Variants in PLA2G6 observed in about 807,000 individuals in gnomAD.
PLA2G6 encodes the protein phospholipase A2 group VI, also known as 85/88 kDa calcium-independent phospholipase A2.
A neutral mutation model predicts 83.8 loss-of-function variants in PLA2G6; 62 were observed. That is an observed-to-expected ratio of 0.74 (90% CI 0.60 to 0.91). The LOEUF (loss-of-function observed/expected upper bound fraction) is 0.91. Ranked by LOEUF, PLA2G6 falls within the 40% of genes least tolerant of loss-of-function variation. The probability of loss-of-function intolerance (pLI) is 0.00; values close to 1 mark genes in which losing one functional copy is unlikely to be tolerated. For synonymous variants in PLA2G6, 417 were observed against 449.8 expected (o/e 0.93, Z 0.92); for missense variants, 944 against 1,102.0 (o/e 0.86, Z 2.03).
intron 1 of PLA2G6, among the ~76,000 whole-genome samples, chr22:38,170,414 G>A (rs2090393593): frequency 6.6e-6 from 1 of 151,924 alleles, no homozygotes; most frequent in East Asian, 1.9e-4. Context: ...CCTTGGAAAT[G>A]AACGAACTGC....
At chr22:38,169,496 C>A in intron 1 of PLA2G6, 25 bp from the exon 2 acceptor site, 1 of 1,313,314 alleles carries the variant, frequency 7.6e-7, no homozygotes, top group Non-Finnish European at 1.1e-6. Flanking sequence ...GGTCTCTGGT[C>A]AGCCAGGCAC....
intron 12 of PLA2G6, among the ~76,000 whole-genome samples, chr22:38,118,174 T>C (rs536441648): frequency 6.6e-6 from 1 of 151,944 alleles, no homozygotes; most frequent in East Asian, 1.9e-4. Context: ...GAACTGAGAG[T>C]CAGGCAGGCC....
chr22:38,145,674 A>G (rs201554440), intron 2 of PLA2G6, 21 bp from the exon 3 acceptor site: 4 of 1,559,760 alleles, frequency 2.6e-6, no homozygotes. Flanking sequence ...AGGACAGAGG[A>G]GCAAGACCCG....
intron 8 of PLA2G6, among the ~76,000 whole-genome samples, 158 bp downstream of exon 8, chr22:38,129,296 G>C (rs970682168): frequency 9.9e-5 from 15 of 152,206 alleles, no homozygotes; most frequent in Non-Finnish European, 4.4e-5. Context: ...GCTTGGGTAA[G>C]GAAGCCCCCT....
Position 38,135,090 on chromosome 22 carries a change from G to A in PLA2G6, c.798-6C>T. On this transcript the variant is annotated splice_region_variant and splice_polypyrimidine_tract_variant and intron_variant, in intron 5 of 16. Coordinates refer to ENST00000332509, the MANE Select transcript of PLA2G6 (RefSeq NM_003560.4). ...TGATGATCATCTCCGCACACCTGGTGAGAGAGGGGCCCCGGTTGGTGAGCA... is the reference window on the plus strand; with the variant it reads ...TGATGATCATCTCCGCACACCTGGTAAGAGAGGGGCCCCGGTTGGTGAGCA... 3 of 1,611,420 alleles carry A rather than the reference G, an allele frequency of 1.9e-6. No homozygotes were observed. The highest frequency in any genetic ancestry group is 2.2e-5 in the East Asian group (1 of 44,868).
chr22:38,142,680 T>G (rs1021985654), intron 4 of PLA2G6: 1 of 279,396 alleles, frequency 3.6e-6, no homozygotes, highest in African/African-American at 2.2e-5. Context: ...TGGGCCACAT[T>G]CAAAGCCGTC....
chr22:38,178,552 GAC>G (rs1330150633), intron 1 of PLA2G6, among the ~76,000 whole-genome samples: 2 of 152,038 alleles, frequency 1.3e-5, no homozygotes, highest in East Asian at 3.9e-4. Flanking sequence ...CAGCCTGAGC[GAC>G]AGTGAGACCC....
chr22:38,113,524 A>G lies in PLA2G6; in HGVS notation c.2165T>C (p.Phe722Ser), dbSNP rs1602056683. 1.9e-6 allele frequency: 3 copies of G among 1,614,106 alleles called. No homozygotes were observed. The highest frequency in any genetic ancestry group is 1.7e-6 in the Non-Finnish European group (2 of 1,180,024). ...SNPWELAKTV[F>S]GAKELGKMVV... is the part of the protein sequence containing the mutation. ...CATCTTGCCCAGTTCCTTGGCCCCA[A>G]AAACAGTCTTGGCCAGCTCCCAGGG... is the stretch of plus-strand genomic sequence containing the variant. Residue 722 changes from phenylalanine to serine, a missense_variant, in exon 15 of 17, where the codon TTT (phenylalanine) becomes TCT (serine). Physicochemically the swap from Phe to Ser is radical, Grantham distance 155. Transcript: ENST00000332509.
chr22:38,135,553 G>T, intron 5 of PLA2G6: 1 of 164,560 alleles, frequency 6.1e-6, no homozygotes, highest in South Asian at 1.6e-4. Context: ...CAGTATGACA[G>T]AGTGGGAAAG....
chr22:38,114,721 G>A (rs2087085093), intron 14 of PLA2G6, among the ~76,000 whole-genome samples: 1 of 152,172 alleles, frequency 6.6e-6, no homozygotes, highest in Non-Finnish European at 1.5e-5. Context: ...TGCCCAGGAC[G>A]CCCTGGGGCT....
At chr22:38,165,518 CAG>C (rs2090179157) in intron 2 of PLA2G6, among the ~76,000 whole-genome samples, 1 of 152,220 alleles carries the variant, frequency 6.6e-6, no homozygotes, top group Admixed American at 6.5e-5. Flanking sequence ...GCTGAGAACA[CAG>C]AGGCAGAAAC....
At chr22:38,118,628 C>CT (rs1359312820) in intron 12 of PLA2G6, among the ~76,000 whole-genome samples, 1 of 152,068 alleles carries the variant, frequency 6.6e-6, no homozygotes, top group Non-Finnish European at 1.5e-5. Context: ...CACTCTGTGG[C>CT]TTGTCTTTTT....
chr22:38,138,797 G>C (rs1236022797), intron 5 of PLA2G6: 1 of 152,088 alleles, frequency 6.6e-6, no homozygotes, highest in Non-Finnish European at 1.5e-5. Flanking sequence ...AGCCTCCTGA[G>C]TAGCTGGGAC....
chr22:38,126,534 T>C, intron 9 of PLA2G6, 85 bp from the exon 10 acceptor site: 1 of 997,552 alleles, frequency 1.0e-6, no homozygotes, highest in Non-Finnish European at 1.6e-6. Context: ...AAACCTGGGC[T>C]GTGCCTCGCC....
At chr22:38,115,888 CT>C (rs2087161387) in intron 13 of PLA2G6, 186 bp downstream of exon 13, 45 of 1,471,820 alleles carry the variant, frequency 3.1e-5, no homozygotes, top group Non-Finnish European at 4.0e-5. Flanking sequence ...TTTCCAGGGA[CT>C]TTTCTAACCT....
chr22:38,144,380 G>A (rs11089870), intron 3 of PLA2G6: 11,693 of 152,084 alleles, frequency 0.077, 1,494 homozygotes, highest in African/African-American at 0.27. Flanking sequence ...CTGTAATCCC[G>A]GCACTTTGGG....
intron 14 of PLA2G6, among the ~76,000 whole-genome samples, chr22:38,114,485 G>A (rs1466731528): frequency 1.3e-5 from 2 of 152,156 alleles, no homozygotes; most frequent in Non-Finnish European, 2.9e-5. Context: ...GCGCCCGGCC[G>A]CTGCCTCTCT....
In PLA2G6 at chr22:38,149,942, G is replaced by A. The variant is rs1026439164; in HGVS notation, c.210-4289C>T. ...AGAGTGAAACTCCATCTCTGATCAC[G>A]CTACTTCACTCCAGCTTAGGCAAAA... On this transcript the variant is annotated intron_variant, in intron 2 of 16. Coordinates refer to ENST00000332509, the MANE Select transcript of PLA2G6 (RefSeq NM_003560.4). 17 of 149,478 alleles carry A rather than the reference G, an allele frequency of 1.1e-4. 1 individual carries two copies. Among genetic ancestry groups the A allele is most frequent in the African/African-American group, 3.0e-4 (12 of 40,556 alleles). 9.3% of individuals were successfully genotyped at this position (149,478 alleles called of 1,614,324 possible). A position where few individuals can be genotyped will look rare whatever the true frequency, so the allele number is the denominator to read the frequency against.
chr22:38,112,619 G>T (rs1434532720), intron 15 of PLA2G6, 42 bp from the exon 16 acceptor site: 3 of 1,498,702 alleles, frequency 2.0e-6, no homozygotes, highest in Non-Finnish European at 2.7e-6. Flanking sequence ...CCCACACCCC[G>T]CCCGGCCCGC....
Sources: gnomAD v4.1 joint callset for allele counts (sites outside exome capture counted in the v4.1 genomes callset) on GRCh38, gnomAD v4.1.1 for gene constraint, MANE v1.5 for transcripts, NCBI Gene and HGNC (gene_info 2026-07-23, HGNC 2026-07-21) for gene names.